The following DPP10 variants were observed in gnomAD, a reference collection of about 807,000 sequenced individuals.
The protein encoded by DPP10 is dipeptidyl peptidase like 10, also known as inactive dipeptidyl peptidase 10.
DPP10 carries 33 observed loss-of-function variants against 120.9 expected under a neutral mutation model. The ratio of observed to expected loss-of-function variants is 0.27; its 90% CI spans 0.21 to 0.37. The LOEUF is 0.37. Ranked by LOEUF, DPP10 falls within the 10% of genes least tolerant of loss-of-function variation. The pLI is 1.00. For missense variants in DPP10, 816 were observed against 942.8 expected, an observed-to-expected ratio of 0.87 and a Z score of 1.76; for synonymous variants, 337 against 326.1, an observed-to-expected ratio of 1.03 and a Z score of -0.36.
intron 1 of DPP10, among the ~76,000 whole-genome samples, chr2:114,491,635 C>T (rs1477340904): frequency 6.6e-6 from 1 of 152,128 alleles, no homozygotes; most frequent in African/African-American, 2.4e-5. Flanking sequence ...CATTCTCCAC[C>T]AGATACTGCA....
chr2:115,474,625 A>G (rs1450337575), intron 3 of DPP10, among the ~76,000 whole-genome samples: 1 of 152,034 alleles, frequency 6.6e-6, no homozygotes, highest in Non-Finnish European at 1.5e-5. Flanking sequence ...CTAAAAGCCT[A>G]TATTCGTATG....
intron 2 of DPP10, among the ~76,000 whole-genome samples, chr2:115,324,876 G>T (rs1035565700): frequency 6.6e-6 from 1 of 151,986 alleles, no homozygotes; most frequent in African/African-American, 2.4e-5. Context: ...GGCTACTGTT[G>T]CCCTAATTTC....
intron 1 of DPP10, among the ~76,000 whole-genome samples, chr2:115,122,336 C>T (rs2049866997): frequency 6.6e-6 from 1 of 152,212 alleles, no homozygotes; most frequent in Non-Finnish European, 1.5e-5. Flanking sequence ...CCCATTCATC[C>T]AAGGGGCTCT....
intron 1 of DPP10, among the ~76,000 whole-genome samples, chr2:114,816,461 A>C (rs1336184635): frequency 6.6e-6 from 1 of 152,190 alleles, no homozygotes. Flanking sequence ...ACCCCTCCCT[A>C]GACCTTTTCA....
intron 1 of DPP10, among the ~76,000 whole-genome samples, chr2:115,160,439 A>G (rs1287247040): frequency 6.6e-6 from 1 of 152,184 alleles, no homozygotes; most frequent in East Asian, 1.9e-4. Context: ...CATTCTACAA[A>G]AGTCTTTCAG....
At chr2:114,844,325 A>G (rs1421309183) in intron 1 of DPP10, among the ~76,000 whole-genome samples, 1 of 152,024 alleles carries the variant, frequency 6.6e-6, no homozygotes, top group African/African-American at 2.4e-5. Context: ...TCAAGCTAAG[A>G]TAAGACGACA....
chr2:115,022,126 C>T (rs925744789), intron 1 of DPP10, among the ~76,000 whole-genome samples: 1 of 152,040 alleles, frequency 6.6e-6, no homozygotes, highest in Non-Finnish European at 1.5e-5. Flanking sequence ...CCCATTTTAA[C>T]CACTTCTATT....
chr2:115,117,723 A>T (rs1485223398), intron 1 of DPP10, among the ~76,000 whole-genome samples: 4 of 152,246 alleles, frequency 2.6e-5, no homozygotes, highest in Non-Finnish European at 5.9e-5. Context: ...CAAAAAGAAG[A>T]TGATGAGAAC....
chr2:115,343,676 C>T (rs2063558747), intron 2 of DPP10, 141 bp from the exon 3 acceptor site: 1 of 453,138 alleles, frequency 2.2e-6, no homozygotes, highest in South Asian at 4.7e-5. Context: ...AGTTCAAATG[C>T]CAAAAACCAT....
At chr2:115,564,232 CTT>C (rs11333808) in intron 5 of DPP10, among the ~76,000 whole-genome samples, 102 of 112,784 alleles carry the variant, frequency 9.0e-4, no homozygotes, top group South Asian at 1.2e-3. Flanking sequence ...TTGATCATGT[CTT>C]TTTTTTTTTT....
intron 3 of DPP10, chr2:115,468,474 C>T: frequency 2.3e-6 from 1 of 435,148 alleles, no homozygotes; most frequent in Non-Finnish European, 4.6e-6. Flanking sequence ...TTTTATTAAC[C>T]TGCTTACTAT....
At chr2:115,012,341 C>G (rs190171746) in intron 1 of DPP10, among the ~76,000 whole-genome samples, 5 of 152,242 alleles carry the variant, frequency 3.3e-5, no homozygotes, top group Admixed American at 2.6e-4. Flanking sequence ...ATAATGGGCT[C>G]TTGAGAGCAC....
At chr2:115,515,139 C>T (rs1016544072) in intron 4 of DPP10, among the ~76,000 whole-genome samples, 12 of 151,780 alleles carry the variant, frequency 7.9e-5, no homozygotes, top group African/African-American at 2.9e-4. Flanking sequence ...TGATGTATTA[C>T]CACTGGTTTA....
chr2:115,623,939 A>G (rs1403542850), intron 5 of DPP10, among the ~76,000 whole-genome samples: 1 of 148,744 alleles, frequency 6.7e-6, no homozygotes, highest in African/African-American at 2.6e-5. Flanking sequence ...AGACCCTAGA[A>G]ACAAAACGAG....
intron 12 of DPP10, among the ~76,000 whole-genome samples, chr2:115,763,549 A>G (rs1023536726): frequency 2.0e-5 from 3 of 152,094 alleles, no homozygotes; most frequent in African/African-American, 7.2e-5. Context: ...ATCTATCTAT[A>G]TATAATTAAT....
At chr2:115,150,960 T>C (rs2051508488) in intron 1 of DPP10, among the ~76,000 whole-genome samples, 1 of 152,182 alleles carries the variant, frequency 6.6e-6, no homozygotes, top group Non-Finnish European at 1.5e-5. Context: ...AAATTTAAAA[T>C]TACACACTTT....
intron 5 of DPP10, among the ~76,000 whole-genome samples, chr2:115,538,028 T>A (rs1465434939): frequency 6.6e-6 from 1 of 151,870 alleles, no homozygotes; most frequent in African/African-American, 2.4e-5. Flanking sequence ...CCAGGCAGAG[T>A]CTGCAACACT....
At chr2:114,922,076 G>A (rs1695237682) in intron 1 of DPP10, among the ~76,000 whole-genome samples, 1 of 152,158 alleles carries the variant, frequency 6.6e-6, no homozygotes. Context: ...TTAAAGAGCA[G>A]TTATATTGAG....
chr2:115,681,149 T>C (rs2149473550), intron 5 of DPP10, among the ~76,000 whole-genome samples: 1 of 151,930 alleles, frequency 6.6e-6, no homozygotes, highest in South Asian at 2.1e-4. Flanking sequence ...AAATGACTGG[T>C]AATAGGAATC....
Sources: allele counts gnomAD v4.1 joint callset (sites outside exome capture counted in the v4.1 genomes callset), GRCh38; gene constraint gnomAD v4.1.1; transcripts MANE v1.5; gene names NCBI Gene and HGNC (gene_info 2026-07-23, HGNC 2026-07-21).